The following PRIM2 variants were observed in gnomAD, a reference collection of about 807,000 sequenced individuals.
The protein encoded by PRIM2 is DNA primase large subunit.
A neutral mutation model predicts 67.3 loss-of-function variants in PRIM2; 39 were observed. The observed-to-expected ratio is 0.58, with a 90% CI of 0.45 to 0.76. PRIM2 has a LOEUF of 0.76. Among genes scored for constraint, PRIM2 ranks in the 30% least tolerant of loss-of-function variants. The pLI is 0.00. For synonymous variants in PRIM2, 143 were observed against 198.7 expected (o/e 0.72, Z 2.36); for missense variants, 398 against 598.7 (o/e 0.66, Z 3.50).
intron 13 of PRIM2, among the ~76,000 whole-genome samples, chr6:57,641,159 A>G (rs1453806366): frequency 9.2e-5 from 14 of 152,236 alleles, no homozygotes; most frequent in African/African-American, 2.9e-4. Context: ...TATTTAATAA[A>G]TAGTTTTGAA....
chr6:57,434,471 G>C (rs1771945820), intron 7 of PRIM2, among the ~76,000 whole-genome samples: 1 of 151,660 alleles, frequency 6.6e-6, no homozygotes, highest in African/African-American at 2.4e-5. Context: ...AAAAGCCCCA[G>C]TTTTTTTTCT....
At chr6:57,358,789 A>G (rs1189683831) in intron 5 of PRIM2, among the ~76,000 whole-genome samples, 2 of 152,174 alleles carry the variant, frequency 1.3e-5, no homozygotes, top group Non-Finnish European at 2.9e-5. Context: ...GGGAGTATAT[A>G]TGCTAATAGG....
chr6:57,471,923 G>A (rs1158392230), intron 7 of PRIM2, among the ~76,000 whole-genome samples: 1 of 152,036 alleles, frequency 6.6e-6, no homozygotes, highest in Non-Finnish European at 1.5e-5. Context: ...TTTAAAAGAT[G>A]AAAGGTATTA....
At chr6:57,230,294 T>C in the PRIM2 span, among the ~76,000 whole-genome samples, 2 of 152,200 alleles carry the variant, frequency 1.3e-5, no homozygotes, top group Non-Finnish European at 2.9e-5. Context: ...TGTCTGTGTC[T>C]CACTTCCAGC....
At chr6:57,341,213 G>A (rs1768474849) in intron 5 of PRIM2, among the ~76,000 whole-genome samples, 1 of 152,150 alleles carries the variant, frequency 6.6e-6, no homozygotes. Flanking sequence ...TTCTAGTTCA[G>A]TGATTCTCAG....
At chr6:57,362,471 T>C (rs1182664689) in intron 5 of PRIM2, among the ~76,000 whole-genome samples, 1 of 151,138 alleles carries the variant, frequency 6.6e-6, no homozygotes, top group Non-Finnish European at 1.5e-5. Context: ...GAAAGCCATA[T>C]TTTTTTTTGT....
chr6:57,414,854 A>G (rs1268682479), intron 7 of PRIM2, among the ~76,000 whole-genome samples: 26 of 152,166 alleles, frequency 1.7e-4, no homozygotes, highest in African/African-American at 6.0e-4. Flanking sequence ...TTATTTTCCC[A>G]TATATTTATT....
At chr6:57,623,883 T>G (rs1776900806) in intron 12 of PRIM2, among the ~76,000 whole-genome samples, 1 of 152,204 alleles carries the variant, frequency 6.6e-6, no homozygotes, top group Non-Finnish European at 1.5e-5. Context: ...TACTTCTTAA[T>G]TCTTAAGTGA....
the PRIM2 span, among the ~76,000 whole-genome samples, chr6:57,269,949 G>A: frequency 4.6e-5 from 7 of 152,184 alleles, no homozygotes; most frequent in African/African-American, 1.2e-4. Flanking sequence ...GTAGATATGC[G>A]GCATTATTTC....
chr6:57,336,100 A>G (rs561164955), intron 5 of PRIM2, among the ~76,000 whole-genome samples: 1 of 152,232 alleles, frequency 6.6e-6, no homozygotes, highest in African/African-American at 2.4e-5. Flanking sequence ...ACTGGAAGAA[A>G]AGATATCAGC....
chr6:57,307,264 T>A, the PRIM2 span, among the ~76,000 whole-genome samples: 1 of 152,200 alleles, frequency 6.6e-6, no homozygotes, highest in East Asian at 1.9e-4. Flanking sequence ...GGATGGTTTT[T>A]TTTTTTGGAG....
chr6:57,539,245 C>T (rs1314933003), intron 10 of PRIM2, among the ~76,000 whole-genome samples: 1 of 151,984 alleles, frequency 6.6e-6, no homozygotes, highest in Admixed American at 6.6e-5. Context: ...TGTTATCCTC[C>T]AATTTGAAAT....
At chr6:57,240,101 T>TTGTTTG in the PRIM2 span, among the ~76,000 whole-genome samples, 1 of 140,290 alleles carries the variant, frequency 7.1e-6, no homozygotes, top group East Asian at 2.1e-4. Flanking sequence ...GTTTTTTTTT[T>TTGTTTG]TTTTTTTTTT....
intron 5 of PRIM2, among the ~76,000 whole-genome samples, chr6:57,352,240 A>ACTTAT (rs1315862242): frequency 6.6e-6 from 1 of 152,114 alleles, no homozygotes; most frequent in Non-Finnish European, 1.5e-5. Flanking sequence ...AAAAGTGTTC[A>ACTTAT]CTTTTCTTTT....
chr6:57,241,389 A>G, the PRIM2 span, among the ~76,000 whole-genome samples: 129,347 of 151,894 alleles, frequency 0.85, 55,440 homozygotes, highest in Middle Eastern at 0.92. Flanking sequence ...AGCCTGGATG[A>G]CAGAGTGAGA....
the PRIM2 span, among the ~76,000 whole-genome samples, chr6:57,298,410 T>TA: frequency 7.2e-5 from 11 of 151,762 alleles, no homozygotes; most frequent in African/African-American, 2.4e-4. Flanking sequence ...ATTAGTTTTT[T>TA]AAAAAAAACA....
chr6:57,434,759 G>T (rs1042316974), intron 7 of PRIM2, among the ~76,000 whole-genome samples: 1 of 151,478 alleles, frequency 6.6e-6, no homozygotes, highest in Non-Finnish European at 1.5e-5. Flanking sequence ...CTGGGTCTCT[G>T]CTCTCTCTCT....
intron 5 of PRIM2, among the ~76,000 whole-genome samples, chr6:57,343,503 G>A (rs1027102118): frequency 3.3e-5 from 5 of 152,170 alleles, no homozygotes; most frequent in Non-Finnish European, 7.3e-5. Flanking sequence ...CAGCCAATAA[G>A]GAGTCTGGTG....
chr6:57,225,570 GA>G, the PRIM2 span, among the ~76,000 whole-genome samples: 16 of 152,304 alleles, frequency 1.1e-4, no homozygotes, highest in East Asian at 3.1e-3. Context: ...AAAACATTCT[GA>G]AAAGTTAGTT....
Sources: allele counts gnomAD v4.1 joint callset (sites outside exome capture counted in the v4.1 genomes callset), GRCh38; gene constraint gnomAD v4.1.1; transcripts MANE v1.5; gene names NCBI Gene and HGNC (gene_info 2026-07-23, HGNC 2026-07-21).